SATB2: variants seen among roughly 807,000 people sequenced by gnomAD.
The protein encoded by SATB2 is DNA-binding protein SATB2.
A neutral mutation model predicts 73.4 loss-of-function variants in SATB2; 1 was observed. That is an observed-to-expected ratio of 0.01 (90% CI 0.00 to 0.06). The LOEUF (loss-of-function observed/expected upper bound fraction) is 0.06, where lower values mean the gene tolerates loss of function less well. Among genes scored for constraint, SATB2 ranks in the 10% least tolerant of loss-of-function variants. SATB2 has a pLI of 1.00. For synonymous variants in SATB2, 397 were observed against 367.0 expected, an observed-to-expected ratio of 1.08 and a Z score of -0.93; for missense variants, 459 against 945.8, an observed-to-expected ratio of 0.49 and a Z score of 6.75.
upstream of SATB2, among the ~76,000 whole-genome samples, chr2:199,461,567 T>A (rs1176701159): frequency 6.6e-6 from 1 of 152,246 alleles, no homozygotes; most frequent in Non-Finnish European, 1.5e-5. Context: ...TAGGAGATAG[T>A]TTGCTTCCAT....
At chr2:199,328,574 A>T (rs1688098049) in intron 8 of SATB2, 124 bp downstream of exon 8, 3 of 675,706 alleles carry the variant, frequency 4.4e-6, no homozygotes, top group East Asian at 2.9e-5. Context: ...TAAAATAAGA[A>T]AAGAAAAAAA....
chr2:199,416,765 G>A (rs528348910), intron 3 of SATB2, among the ~76,000 whole-genome samples: 49 of 152,200 alleles, frequency 3.2e-4, no homozygotes, highest in African/African-American at 5.8e-4. Flanking sequence ...GGCCAAGTGC[G>A]GTGACTCACA....
At chr2:199,301,512 G>A (rs960161652) in intron 10 of SATB2, among the ~76,000 whole-genome samples, 1 of 152,110 alleles carries the variant, frequency 6.6e-6, no homozygotes, top group Non-Finnish European at 1.5e-5. Context: ...GCCCAACAAA[G>A]CTCTTTCTTC....
At chr2:199,429,252 T>TGGG (rs1691428873) in intron 3 of SATB2, among the ~76,000 whole-genome samples, 1 of 152,168 alleles carries the variant, frequency 6.6e-6, no homozygotes, top group Non-Finnish European at 1.5e-5. Flanking sequence ...AAAGAATTCA[T>TGGG]GAAGGAAGTA....
chr2:199,355,747 C>G (rs1383710184), intron 6 of SATB2, among the ~76,000 whole-genome samples: 1 of 152,084 alleles, frequency 6.6e-6, no homozygotes, highest in African/African-American at 2.4e-5. Flanking sequence ...AAACAATTAT[C>G]TTTCTCAGAA....
chr2:199,383,206 T>C (rs1179902862), intron 3 of SATB2, among the ~76,000 whole-genome samples: 2 of 152,218 alleles, frequency 1.3e-5, no homozygotes, highest in Non-Finnish European at 1.5e-5. Flanking sequence ...CTCTCATTCA[T>C]AGTACCGTAT....
intron 10 of SATB2, among the ~76,000 whole-genome samples, chr2:199,283,657 C>A (rs75045871): frequency 2.5e-3 from 380 of 151,852 alleles, no homozygotes; most frequent in Non-Finnish European, 4.3e-3. Context: ...GTGGGAAATG[C>A]TGGCCTGCAA....
intron 8 of SATB2, among the ~76,000 whole-genome samples, chr2:199,327,103 A>C (rs966952752): frequency 1.3e-5 from 2 of 152,214 alleles, no homozygotes; most frequent in Admixed American, 6.5e-5. Context: ...TAAGCAAAAC[A>C]ACCTTTGGTT....
chr2:199,329,960 G>A (rs746548240), intron 7 of SATB2, among the ~76,000 whole-genome samples: 17 of 152,080 alleles, frequency 1.1e-4, no homozygotes, highest in Non-Finnish European at 2.2e-4. Context: ...TAAGAACAGG[G>A]TTTAGGATTA....
At chr2:199,332,721 T>C (rs1488680665) in intron 7 of SATB2, among the ~76,000 whole-genome samples, 3 of 152,154 alleles carry the variant, frequency 2.0e-5, no homozygotes. Context: ...TTTCCATACT[T>C]CCTTAACAAT....
chr2:199,386,704 G>A (rs1355117021), intron 3 of SATB2, among the ~76,000 whole-genome samples: 12 of 60,782 alleles, frequency 2.0e-4, no homozygotes, highest in African/African-American at 6.1e-4. Context: ...AAGCGCGCGC[G>A]CGCGCGCGCG....
At position 199,403,348 on chromosome 2, in the gene SATB2, T is replaced by C. The variant is rs1238042278; in HGVS notation, c.347-21528A>G. 3.6e-5 allele frequency among the ~76,000 whole-genome samples: 5 copies of C among 137,498 alleles called. No individual in the cohort carries two copies. In the East Asian group the frequency reaches 9.6e-4, roughly 26 times the overall value. The allele number at this position is 137,498 out of a possible 152,430, so 90.2% of individuals were successfully genotyped here. ...TAATATTGTATATTGTTGTATAATATTGTATAATATTGTAATATTAAGTGA... is the reference window on the plus strand; with the variant it reads ...TAATATTGTATATTGTTGTATAATACTGTATAATATTGTAATATTAAGTGA... On this transcript the variant is annotated intron_variant, in intron 3 of 10. Transcript: ENST00000417098.
At chr2:199,385,124 C>CT (rs1165539951) in intron 3 of SATB2, among the ~76,000 whole-genome samples, 1 of 151,952 alleles carries the variant, frequency 6.6e-6, no homozygotes, top group African/African-American at 2.4e-5. Context: ...ATCTCCCCTA[C>CT]TTTTTTGTTT....
chr2:199,432,956 G>A (rs926536527), intron 3 of SATB2, among the ~76,000 whole-genome samples: 2 of 152,126 alleles, frequency 1.3e-5, no homozygotes, highest in Non-Finnish European at 2.9e-5. Context: ...ATTGCAAAGT[G>A]CAGAAGCCAC....
intron 3 of SATB2, among the ~76,000 whole-genome samples, chr2:199,417,498 C>T (rs538888947): frequency 1.3e-5 from 2 of 152,172 alleles, no homozygotes; most frequent in Non-Finnish European, 2.9e-5. Context: ...GTCTTCTCAA[C>T]ACGACTGTGG....
intron 9 of SATB2, among the ~76,000 whole-genome samples, chr2:199,316,723 A>C (rs1687745681): frequency 6.6e-6 from 1 of 152,056 alleles, no homozygotes; most frequent in African/African-American, 2.4e-5. Context: ...GCATACACGG[A>C]ATATGCATAG....
Position 199,433,623 on chromosome 2 carries a change from A to G in SATB2, c.170-109T>C, listed in dbSNP as rs190698844. The G allele has an allele frequency of 1.3e-5, 13 of 1,029,238 alleles. No individual in the cohort carries two copies. In the East Asian group the frequency reaches 3.1e-4, roughly 25 times the overall value. 63.8% of individuals were successfully genotyped at this position (1,029,238 alleles called of 1,614,324 possible). A position where few individuals can be genotyped will look rare whatever the true frequency, so the allele number is the denominator to read the frequency against. ...TAAAAGTCAGTCATCTGTGATCGAC[A>G]GTGGTTTAGATTAAACAAGCCTCTT... is the stretch of plus-strand genomic sequence containing the variant. On this transcript the variant is annotated intron_variant, in intron 2 of 10. Transcript: ENST00000417098.
chr2:199,443,821 G>A (rs539442465), intron 2 of SATB2, among the ~76,000 whole-genome samples: 31 of 152,044 alleles, frequency 2.0e-4, no homozygotes, highest in African/African-American at 6.7e-4. Context: ...AAAGGAGAAA[G>A]AGAAAAAAAA....
Position 199,272,173 on chromosome 2 carries a change from T to A in SATB2, c.*38A>T, listed in dbSNP as rs1559135707. 1 of 1,578,308 alleles carries A rather than the reference T, an allele frequency of 6.3e-7. No homozygotes were observed. ...TTAAAGAAATGAAAGCAGAAAATCC[T>A]TGGACCGATGTATTGCTTTGCCTAG... On this transcript the variant is annotated 3_prime_UTR_variant, in exon 11 of 11. Coordinates refer to ENST00000417098, the MANE Select transcript of SATB2 (RefSeq NM_001172509.2). This position sits in a 1 kb window ranked among gnomAD's most constrained non-coding sequence, Gnocchi z 6.7.
Sources: gnomAD v4.1 joint callset for allele counts (sites outside exome capture counted in the v4.1 genomes callset) on GRCh38, gnomAD v4.1.1 for gene constraint, Gnocchi (gnomAD v3.1) non-coding constraint, MANE v1.5 for transcripts, NCBI Gene and HGNC (gene_info 2026-07-23, HGNC 2026-07-21) for gene names.